The following SLC35F5 variants were observed in gnomAD, a reference collection of about 807,000 sequenced individuals.
The protein encoded by SLC35F5 is HCV NS5A-transactivated protein 3.
SLC35F5 carries 54 observed loss-of-function variants against 68.6 expected under a neutral mutation model. That is an observed-to-expected ratio of 0.79 (90% confidence interval 0.63 to 0.99). The LOEUF is 0.99. Among genes scored for constraint, SLC35F5 ranks in the 50% least tolerant of loss-of-function variants. SLC35F5 has a pLI of 0.00. For synonymous variants in SLC35F5, 211 were observed against 205.2 expected (o/e 1.03, Z -0.24); for missense variants, 567 against 626.9 (o/e 0.90, Z 1.02).
At chr2:113,736,702 C>T (rs1049166365) in intron 7 of SLC35F5, among the ~76,000 whole-genome samples, 4 of 152,110 alleles carry the variant, frequency 2.6e-5, no homozygotes, top group African/African-American at 9.7e-5. Context: ...ATTGTGATTG[C>T]TTTTCTGAAT....
chr2:113,755,060 T>C lies in SLC35F5; in HGVS notation c.273+105A>G, dbSNP rs371124195. ...TTTAAAAATTCAATAGTATTTAAGA[T>C]ACTGCTTTTAGAAAGCAGGAGATTG... On this transcript the variant is annotated intron_variant, in intron 3 of 15. Coordinates refer to ENST00000245680, the MANE Select transcript of SLC35F5 (RefSeq NM_025181.5). The C allele has an allele frequency of 1.4e-5, 17 of 1,175,390 alleles. No individual in the cohort carries two copies. The South Asian group carries it at 1.8e-4, about 12-fold the overall frequency. The allele number at this position is 1,175,390 out of a possible 1,614,324, so 72.8% of individuals were successfully genotyped here.
chr2:113,738,537 T>C (rs1688174301), intron 7 of SLC35F5, among the ~76,000 whole-genome samples: 1 of 152,094 alleles, frequency 6.6e-6, no homozygotes, highest in South Asian at 2.1e-4. Flanking sequence ...TTGTCTATGA[T>C]GAACACTGTA....
intron 7 of SLC35F5, among the ~76,000 whole-genome samples, chr2:113,738,375 A>G (rs1688168211): frequency 6.6e-6 from 1 of 152,076 alleles, no homozygotes; most frequent in African/African-American, 2.4e-5. Context: ...GGCTTATTTC[A>G]TTTAGCATAA....
chr2:113,734,608 T>C lies in SLC35F5; in HGVS notation c.898A>G (p.Lys300Glu). Reference sequence around the variant, plus strand: ...TACCTTAAAATTACAGCTAATAGTTTAGAAAGGGTAAATCTATCTCCACTG... The same window carrying C: ...TACCTTAAAATTACAGCTAATAGTTCAGAAAGGGTAAATCTATCTCCACTG... ...SNSGDRFTLS[K>E]LLAVILSIGG... Residue 300 changes from lysine to glutamate, a missense_variant, in exon 9 of 16, where the codon AAA (lysine) becomes GAA (glutamate). Coordinates refer to ENST00000245680, the MANE Select transcript of SLC35F5 (RefSeq NM_025181.5). 6.3e-7 allele frequency: 1 copy of C among 1,599,966 alleles called. No homozygotes were observed. The highest frequency in any genetic ancestry group is 8.6e-7 in the Non-Finnish European group (1 of 1,168,520).
chr2:113,738,952 A>G (rs1688189927), intron 7 of SLC35F5, among the ~76,000 whole-genome samples: 1 of 152,204 alleles, frequency 6.6e-6, no homozygotes, highest in Non-Finnish European at 1.5e-5. Context: ...TACAAATATA[A>G]TATTGAAATT....
chr2:113,709,245 G>T lies in SLC35F5; in HGVS notation c.*5973C>A, dbSNP rs1354698569. On this transcript the variant is annotated 3_prime_UTR_variant, in exon 16 of 16. Coordinates refer to ENST00000245680, the MANE Select transcript of SLC35F5 (RefSeq NM_025181.5). ...TAAGTACACACAGGTGTTTGGCATT[G>T]TCTCTGGAACTACAAAACTACGGCC... is the stretch of plus-strand genomic sequence containing the variant. Among the ~76,000 whole-genome samples, 2 of 149,756 alleles carry T rather than the reference G, an allele frequency of 1.3e-5. No individual in the cohort carries two copies. The highest frequency in any genetic ancestry group is 5.0e-5 in the African/African-American group (2 of 40,336).
chr2:113,718,931 G>GAAAGAA (rs1687310760), intron 14 of SLC35F5, among the ~76,000 whole-genome samples: 1 of 110,878 alleles, frequency 9.0e-6, no homozygotes, highest in African/African-American at 3.1e-5. Context: ...GAAAGAAAAA[G>GAAAGAA]AAAGGAAGAA....
At position 113,717,791 on chromosome 2, in the gene SLC35F5, T is replaced by C; in HGVS notation, c.1556A>G (p.Glu519Gly). Residue 519 changes from glutamate to glycine, a missense_variant, in exon 15 of 16, where the codon GAG becomes GGG. Glu to Gly is a moderately conservative substitution (Grantham distance 98). Coordinates refer to ENST00000245680, the MANE Select transcript of SLC35F5 (RefSeq NM_025181.5). ...AACAGACAGCTAACTAGCTCCATCC[T>C]CCTGAGAAACACTGTGCATAGAAAT... The part of the protein sequence containing the change: ...SLISMHSVSQ[E>G]DGAS 1 of 1,613,188 alleles carries C rather than the reference T, an allele frequency of 6.2e-7. No homozygotes were observed. Among genetic ancestry groups the C allele is most frequent in the Non-Finnish European group, 8.5e-7 (1 of 1,179,640 alleles).
intron 7 of SLC35F5, among the ~76,000 whole-genome samples, chr2:113,741,698 T>TCA (rs201668517): frequency 0.14 from 13,194 of 91,804 alleles, 760 homozygotes; most frequent in Non-Finnish European, 0.2. Flanking sequence ...CGAAACTCCA[T>TCA]TAAAAAAAAA....
chr2:113,755,700 TG>T (rs1318151000), intron 1 of SLC35F5, among the ~76,000 whole-genome samples, 156 bp from the exon 2 acceptor site: 2 of 152,030 alleles, frequency 1.3e-5, no homozygotes, highest in East Asian at 3.9e-4. Context: ...AGTACTTTCA[TG>T]GTATCCACTG....
intron 14 of SLC35F5, 150 bp from the exon 15 acceptor site, chr2:113,718,000 C>T (rs1559316158): frequency 1.8e-6 from 1 of 542,064 alleles, no homozygotes; most frequent in Non-Finnish European, 3.2e-6. Context: ...AGAACTTGTC[C>T]CAAGTTAGCG....
chr2:113,738,814 A>G (rs1457129189), intron 7 of SLC35F5, among the ~76,000 whole-genome samples: 1 of 152,168 alleles, frequency 6.6e-6, no homozygotes, highest in Non-Finnish European at 1.5e-5. Flanking sequence ...TGAATTGAAA[A>G]GTGCTTTAAG....
intron 3 of SLC35F5, among the ~76,000 whole-genome samples, chr2:113,752,384 T>C (rs1427444172): frequency 6.6e-6 from 1 of 152,162 alleles, no homozygotes; most frequent in Non-Finnish European, 1.5e-5. Context: ...ACCTAAAAGT[T>C]GGTGAGGAAT....
intron 3 of SLC35F5, among the ~76,000 whole-genome samples, chr2:113,754,218 A>C (rs1345600832): frequency 1.3e-5 from 2 of 148,612 alleles, no homozygotes; most frequent in East Asian, 4.1e-4. Context: ...TGAACCCGGG[A>C]GGCGGAGGTT....
At chr2:113,735,434 A>G (rs1204357678) in intron 8 of SLC35F5, among the ~76,000 whole-genome samples, 1 of 152,206 alleles carries the variant, frequency 6.6e-6, no homozygotes, top group Non-Finnish European at 1.5e-5. Flanking sequence ...CTTGTAGGCT[A>G]CCAACTTATA....
chr2:113,730,344 G>A (rs771098447), intron 10 of SLC35F5, among the ~76,000 whole-genome samples: 5 of 152,042 alleles, frequency 3.3e-5, no homozygotes, highest in African/African-American at 4.8e-5. Flanking sequence ...TTCAAAAGAC[G>A]AATGTTTTAT....
intron 7 of SLC35F5, among the ~76,000 whole-genome samples, chr2:113,737,221 G>A (rs190829579): frequency 6.6e-6 from 1 of 152,270 alleles, no homozygotes; most frequent in Non-Finnish European, 1.5e-5. Flanking sequence ...TATTTACATT[G>A]CAAAGAAGTA....
At chr2:113,737,762 C>T (rs940160329) in intron 7 of SLC35F5, among the ~76,000 whole-genome samples, 1 of 152,122 alleles carries the variant, frequency 6.6e-6, no homozygotes, top group Admixed American at 6.6e-5. Flanking sequence ...CTCTACCTCT[C>T]CCCAAACTCC....
intron 7 of SLC35F5, among the ~76,000 whole-genome samples, chr2:113,736,293 A>C (rs970008804): frequency 2.6e-5 from 4 of 151,854 alleles, no homozygotes; most frequent in Non-Finnish European, 4.4e-5. Context: ...AAAAATACAA[A>C]AATTAGCCAG....
Sources: gnomAD v4.1 joint callset for allele counts (sites outside exome capture counted in the v4.1 genomes callset) on GRCh38, gnomAD v4.1.1 for gene constraint, MANE v1.5 for transcripts, NCBI Gene and HGNC (gene_info 2026-07-23, HGNC 2026-07-21) for gene names.